SIL1: variants seen among roughly 807,000 people sequenced by gnomAD.
The protein encoded by SIL1 is SIL1 nucleotide exchange factor.
A neutral mutation model predicts 49.1 loss-of-function variants in SIL1; 40 were observed. That is an observed-to-expected ratio of 0.81 (90% CI 0.63 to 1.06). The LOEUF (loss-of-function observed/expected upper bound fraction) is 1.06, where lower values mean the gene tolerates loss of function less well. SIL1 is among the 50% of genes least tolerant of loss of function. The probability of loss-of-function intolerance (pLI) is 0.00; values close to 1 mark genes in which losing one functional copy is unlikely to be tolerated. For synonymous variants in SIL1, 253 were observed against 250.8 expected, an observed-to-expected ratio of 1.01 and a Z score of -0.08; for missense variants, 500 against 572.6, an observed-to-expected ratio of 0.87 and a Z score of 1.29.
intron 5 of SIL1, among the ~76,000 whole-genome samples, chr5:139,028,198 CAA>C (rs550170105): frequency 3.0e-5 from 4 of 131,434 alleles, no homozygotes; most frequent in Non-Finnish European, 3.3e-5. Context: ...AAGAAGGCCT[CAA>C]AAAAAAAAAA....
At chr5:138,998,463 C>G (rs760846509) in intron 7 of SIL1, among the ~76,000 whole-genome samples, 1 of 152,170 alleles carries the variant, frequency 6.6e-6, no homozygotes, top group Non-Finnish European at 1.5e-5. Context: ...CCACTGTGCT[C>G]AGCTGAGGCT....
chr5:139,082,486 T>A (rs1482936034), intron 3 of SIL1, among the ~76,000 whole-genome samples: 2 of 152,216 alleles, frequency 1.3e-5, no homozygotes, highest in East Asian at 3.8e-4. Context: ...AGTCATTTGA[T>A]ACAAAGACCA....
intron 7 of SIL1, among the ~76,000 whole-genome samples, chr5:139,017,833 C>A (rs369459312): frequency 8.5e-5 from 13 of 152,126 alleles, no homozygotes; most frequent in African/African-American, 2.7e-4. Flanking sequence ...TCCAGAGACT[C>A]CTGGTAGGTC....
chr5:139,116,616 T>C (rs1770995047), intron 3 of SIL1, among the ~76,000 whole-genome samples: 1 of 152,190 alleles, frequency 6.6e-6, no homozygotes, highest in Admixed American at 6.5e-5. Flanking sequence ...TGTATATACA[T>C]AGATATATAT....
chr5:138,997,370 C>A (rs1767892779), intron 7 of SIL1, among the ~76,000 whole-genome samples: 1 of 152,198 alleles, frequency 6.6e-6, no homozygotes, highest in Non-Finnish European at 1.5e-5. Context: ...GTTTTCCCAG[C>A]ACCATTTATT....
At chr5:139,046,066 T>C (rs1364462414) in intron 4 of SIL1, among the ~76,000 whole-genome samples, 2 of 152,216 alleles carry the variant, frequency 1.3e-5, no homozygotes, top group Non-Finnish European at 2.9e-5. Flanking sequence ...CGGTGGCTCA[T>C]GCCTGCAATT....
intron 3 of SIL1, among the ~76,000 whole-genome samples, chr5:139,099,606 A>G (rs1278015387): frequency 6.6e-6 from 1 of 152,242 alleles, no homozygotes; most frequent in African/African-American, 2.4e-5. Context: ...TTAAAAAAAA[A>G]GAATGAGATC....
chr5:139,146,930 A>G (rs1751207067), intron 1 of SIL1, among the ~76,000 whole-genome samples: 3 of 152,196 alleles, frequency 2.0e-5, no homozygotes, highest in Admixed American at 2.0e-4. Flanking sequence ...CTGTGCAACT[A>G]TCATAAGATC....
intron 7 of SIL1, among the ~76,000 whole-genome samples, chr5:138,971,276 G>A (rs1233070582): frequency 6.6e-6 from 1 of 152,092 alleles, no homozygotes; most frequent in Non-Finnish European, 1.5e-5. Context: ...GCTGGAATGG[G>A]AGGTGGCCAA....
At chr5:139,002,721 G>A (rs1287263858) in intron 7 of SIL1, among the ~76,000 whole-genome samples, 1 of 152,162 alleles carries the variant, frequency 6.6e-6, no homozygotes, top group Non-Finnish European at 1.5e-5. Flanking sequence ...CCCTTTGAAG[G>A]AATAGTTGCT....
In SIL1 at chr5:138,951,812, C is replaced by T. The variant is rs1561801930; in HGVS notation, c.840G>A (p.Glu280=). Residue 280 remains glutamate (E), a synonymous_variant, in exon 8 of 10, where the codon GAG becomes GAA. Transcript: ENST00000394817. ...CCTTCTTCTTTGCAGTGAGCGGCTG[C>T]TCCGTGGCCAGGATGACCAGCAGCT... ...LQKLLVILAT[E]QPLTAKKKVL... is the part of the protein sequence containing the mutation. The T allele has an allele frequency of 1.2e-6, 2 of 1,614,100 alleles. No homozygotes were observed. The highest frequency in any genetic ancestry group is 1.7e-5 in the Admixed American group (1 of 60,030).
chr5:139,122,533 T>C lies in SIL1; in HGVS notation c.106-1360A>G, dbSNP rs10477805. On this transcript the variant is annotated intron_variant, in intron 2 of 9. Transcript: ENST00000394817. ...TCGTTAGAGCCCAGGAGGCAGAGGCTGCAGTGACCTGAGATGGCACCACCA... is the reference window on the plus strand; with the variant it reads ...TCGTTAGAGCCCAGGAGGCAGAGGCCGCAGTGACCTGAGATGGCACCACCA... Among the ~76,000 whole-genome samples, 1,301 of 151,766 alleles carry C rather than the reference T, an allele frequency of 8.6e-3. 15 individuals carry two copies. Among genetic ancestry groups the C allele is most frequent in the African/African-American group, 0.029 (1,189 of 41,310 alleles).
chr5:139,130,186 G>A (rs1437369559), intron 1 of SIL1, among the ~76,000 whole-genome samples: 1 of 152,024 alleles, frequency 6.6e-6, no homozygotes, highest in Non-Finnish European at 1.5e-5. Flanking sequence ...TAGGAGGCTC[G>A]GGTGAGAAGA....
intron 1 of SIL1, among the ~76,000 whole-genome samples, chr5:139,197,324 G>T (rs1211500961): frequency 2.0e-5 from 3 of 147,304 alleles, no homozygotes; most frequent in Non-Finnish European, 4.5e-5. Context: ...TCTTCTCTTA[G>T]CAAATATGTA....
intron 7 of SIL1, chr5:139,013,771 G>A (rs542782268): frequency 6.6e-6 from 1 of 152,314 alleles, no homozygotes; most frequent in East Asian, 1.9e-4. Context: ...AAGTCTCCCA[G>A]TGCTGTTTTG....
intron 6 of SIL1, among the ~76,000 whole-genome samples, chr5:139,024,308 T>G (rs977527508): frequency 6.6e-6 from 1 of 152,226 alleles, no homozygotes; most frequent in Non-Finnish European, 1.5e-5. Flanking sequence ...TCTTGGTTTT[T>G]ACCCTGGAGA....
At chr5:138,994,294 G>A (rs1767817281) in intron 7 of SIL1, among the ~76,000 whole-genome samples, 1 of 152,084 alleles carries the variant, frequency 6.6e-6, no homozygotes. Flanking sequence ...ACATCAGCAA[G>A]TTTGTTGGCT....
chr5:139,120,304 G>A (rs1376881909), intron 3 of SIL1, among the ~76,000 whole-genome samples: 3 of 152,230 alleles, frequency 2.0e-5, no homozygotes, highest in African/African-American at 7.2e-5. Flanking sequence ...GTAGGCCCAG[G>A]CTCTGGGGTC....
intron 1 of SIL1, among the ~76,000 whole-genome samples, chr5:139,157,284 C>T (rs2151808980): frequency 6.6e-6 from 1 of 152,356 alleles, no homozygotes; most frequent in South Asian, 2.1e-4. Context: ...TTTCCAATCA[C>T]TGAGAAGCTC....
Sources: allele counts gnomAD v4.1 joint callset (sites outside exome capture counted in the v4.1 genomes callset), GRCh38; gene constraint gnomAD v4.1.1; transcripts MANE v1.5; gene names NCBI Gene and HGNC (gene_info 2026-07-23, HGNC 2026-07-21).